KIRREL3: variants seen among roughly 807,000 people sequenced by gnomAD.
KIRREL3 encodes kin of IRRE-like protein 3.
Under a neutral mutation model 89.7 loss-of-function variants are expected in KIRREL3, and 36 were observed. The observed-to-expected ratio is 0.40, with a 90% CI of 0.31 to 0.53. The LOEUF is 0.53. Ranked by LOEUF, KIRREL3 falls within the 20% of genes least tolerant of loss-of-function variation. The probability of loss-of-function intolerance (pLI) is 0.49; values close to 1 mark genes in which losing one functional copy is unlikely to be tolerated. For missense variants in KIRREL3, 864 were observed against 1,056.6 expected (o/e 0.82, Z 2.53); for synonymous variants, 445 against 441.4 (o/e 1.01, Z -0.10).
chr11:126,901,596 C>T (rs915246032), intron 1 of KIRREL3, among the ~76,000 whole-genome samples: 1 of 152,192 alleles, frequency 6.6e-6, no homozygotes, highest in African/African-American at 2.4e-5. Context: ...TGCTGGCAAC[C>T]TCTTGGTGGT....
At chr11:126,435,185 AC>A (rs1955274619) in intron 13 of KIRREL3, 82 bp downstream of exon 13, 1 of 1,428,054 alleles carries the variant, frequency 7.0e-7, no homozygotes, top group African/African-American at 1.4e-5. Context: ...AGGCCTCCCT[AC>A]CCCCTGCTGG....
intron 1 of KIRREL3, among the ~76,000 whole-genome samples, chr11:126,806,275 T>C (rs1467299714): frequency 6.6e-6 from 1 of 152,174 alleles, no homozygotes; most frequent in African/African-American, 2.4e-5. Context: ...CTACTAATAG[T>C]GAGGCTAATA....
intron 1 of KIRREL3, among the ~76,000 whole-genome samples, chr11:126,602,090 C>G (rs142586042): frequency 6.6e-6 from 1 of 152,176 alleles, no homozygotes; most frequent in Non-Finnish European, 1.5e-5. Flanking sequence ...GGAGGAGTAG[C>G]CCCCTCCTTT....
intron 1 of KIRREL3, among the ~76,000 whole-genome samples, chr11:126,863,444 AGTGT>A (rs879631402): frequency 5.9e-5 from 4 of 67,288 alleles, no homozygotes; most frequent in Admixed American, 3.1e-4. Context: ...TGCGTGTGTG[AGTGT>A]GTGTGTTTGA....
At chr11:126,583,093 G>A (rs1295693964) in intron 1 of KIRREL3, among the ~76,000 whole-genome samples, 1 of 152,130 alleles carries the variant, frequency 6.6e-6, no homozygotes, top group Non-Finnish European at 1.5e-5. Flanking sequence ...ATGTGGTTCC[G>A]GATGTGGACA....
At chr11:126,461,162 T>A (rs1956527583) in intron 6 of KIRREL3, among the ~76,000 whole-genome samples, 1 of 152,248 alleles carries the variant, frequency 6.6e-6, no homozygotes, top group Non-Finnish European at 1.5e-5. Context: ...GTGACAGGCG[T>A]AGGCCCAGCC....
upstream of KIRREL3, among the ~76,000 whole-genome samples, chr11:127,001,737 T>C (rs1388507605): frequency 1.3e-5 from 2 of 151,856 alleles, no homozygotes; most frequent in African/African-American, 4.8e-5. Context: ...TAGGCATGCT[T>C]GGTATAAGCA....
intron 1 of KIRREL3, among the ~76,000 whole-genome samples, chr11:126,591,134 G>A (rs1942113119): frequency 6.6e-6 from 1 of 152,174 alleles, no homozygotes; most frequent in African/African-American, 2.4e-5. Flanking sequence ...TCTGAGGCAG[G>A]AGGATCGCTT....
chr11:126,585,469 T>C (rs1048077243), intron 1 of KIRREL3, among the ~76,000 whole-genome samples: 35 of 147,584 alleles, frequency 2.4e-4, no homozygotes, highest in Non-Finnish European at 4.7e-4. Context: ...CCTGACCTCG[T>C]GTGATCCGCC....
intron 1 of KIRREL3, among the ~76,000 whole-genome samples, chr11:126,949,015 C>A (rs989111469): frequency 1.3e-5 from 2 of 152,146 alleles, no homozygotes; most frequent in African/African-American, 4.8e-5. Flanking sequence ...CCATTCTTGG[C>A]TTTTTATATT....
intron 1 of KIRREL3, among the ~76,000 whole-genome samples, chr11:126,738,165 A>T (rs996170229): frequency 2.0e-5 from 3 of 152,218 alleles, no homozygotes; most frequent in African/African-American, 7.2e-5. Flanking sequence ...AGCATGTGCC[A>T]CCAACATCTA....
chr11:126,702,695 C>G (rs528955214), intron 1 of KIRREL3, among the ~76,000 whole-genome samples: 1 of 152,368 alleles, frequency 6.6e-6, no homozygotes, highest in East Asian at 1.9e-4. Context: ...CCACCCTGCA[C>G]GGACAGGGCC....
rs925785926 is a variant in KIRREL3, at chr11:126,527,970, T to A, written c.134-1283A>T. On this transcript the variant is annotated intron_variant, in intron 2 of 16. Coordinates refer to ENST00000525144, the MANE Select transcript of KIRREL3 (RefSeq NM_032531.4). This position sits in a 1 kb window ranked among gnomAD's most constrained non-coding sequence, Gnocchi z 4.2. The stretch of plus-strand genomic sequence containing the variant: ...ATCTGGCCCACAGTACAACCAGTAC[T>A]TCATACAACCCCTCCTGTAATCCAC... 5.3e-5 allele frequency among the ~76,000 whole-genome samples: 8 copies of A among 152,180 alleles called. No homozygotes were observed. Among genetic ancestry groups the A allele is most frequent in the African/African-American group, 1.7e-4 (7 of 41,442 alleles).
At chr11:126,567,089 T>G (rs562661719) in intron 1 of KIRREL3, among the ~76,000 whole-genome samples, 1 of 152,296 alleles carries the variant, frequency 6.6e-6, no homozygotes, top group African/African-American at 2.4e-5. Context: ...GCTGGGACAG[T>G]GCTATAGGTC....
chr11:126,465,456 A>G (rs1956691506), intron 5 of KIRREL3, among the ~76,000 whole-genome samples: 1 of 152,204 alleles, frequency 6.6e-6, no homozygotes, highest in African/African-American at 2.4e-5. Flanking sequence ...TTGGCAGGAC[A>G]GATGGGAACA....
At chr11:126,445,149 G>C in intron 9 of KIRREL3, 44 bp from the exon 10 acceptor site, 1 of 1,605,776 alleles carries the variant, frequency 6.2e-7, no homozygotes, top group Non-Finnish European at 8.5e-7. Flanking sequence ...AGGCGGAGGG[G>C]TGCACTCTTG....
At chr11:126,727,062 A>G (rs1392354460) in intron 1 of KIRREL3, among the ~76,000 whole-genome samples, 6 of 152,076 alleles carry the variant, frequency 3.9e-5, no homozygotes, top group Non-Finnish European at 8.8e-5. Flanking sequence ...TCCCTGGCAG[A>G]TGGAGTGCTT....
chr11:126,954,096 G>A lies in KIRREL3; in HGVS notation c.55+46359C>T, dbSNP rs943625555. Among the ~76,000 whole-genome samples the A allele has an allele frequency of 4.6e-5, 7 of 151,916 alleles. No homozygotes were observed. Among genetic ancestry groups the A allele is most frequent in the South Asian group, 2.1e-4 (1 of 4,780 alleles). On this transcript the variant is annotated intron_variant, in intron 1 of 16. Coordinates refer to ENST00000525144, the MANE Select transcript of KIRREL3 (RefSeq NM_032531.4). The surrounding 1 kb of genome is among the most constrained non-coding windows in gnomAD (Gnocchi z 4.1). ...TTCTCCCCAGGGTCGGTCTGTGAGC[G>A]CCTCTAATACCCTATGTGGTTTCTT...
rs950594174 is a variant in KIRREL3, at chr11:126,570,540, G to A, written c.56-7628C>T. Among the ~76,000 whole-genome samples, 2 of 152,182 alleles carry A rather than the reference G, an allele frequency of 1.3e-5. No individual in the cohort carries two copies. Among genetic ancestry groups the A allele is most frequent in the Admixed American group, 6.5e-5 (1 of 15,280 alleles). ...CAGCCCATCTCACCAGCTCCAGCAGGCAGCAAGCCTCCCTCACACACCTGC... is the reference window on the plus strand; with the variant it reads ...CAGCCCATCTCACCAGCTCCAGCAGACAGCAAGCCTCCCTCACACACCTGC... On this transcript the variant is annotated intron_variant, in intron 1 of 16. Coordinates refer to ENST00000525144, the MANE Select transcript of KIRREL3 (RefSeq NM_032531.4). This position sits in a 1 kb window ranked among gnomAD's most constrained non-coding sequence, Gnocchi z 6.1.
Sources: gnomAD v4.1 joint callset for allele counts (sites outside exome capture counted in the v4.1 genomes callset) on GRCh38, gnomAD v4.1.1 for gene constraint, Gnocchi (gnomAD v3.1) non-coding constraint, MANE v1.5 for transcripts, NCBI Gene and HGNC (gene_info 2026-07-23, HGNC 2026-07-21) for gene names.